BACE1: variants seen among roughly 807,000 people sequenced by gnomAD.
BACE1 encodes APP beta-secretase.
Under a neutral mutation model 54.0 loss-of-function variants are expected in BACE1, and 21 were observed. The observed-to-expected ratio is 0.39, with a 90% confidence interval of 0.28 to 0.56. The LOEUF (loss-of-function observed/expected upper bound fraction) is 0.56. BACE1 is among the 20% of genes least tolerant of loss of function. The probability of loss-of-function intolerance (pLI) is 0.63; values close to 1 mark genes in which losing one functional copy is unlikely to be tolerated. For synonymous variants in BACE1, 232 were observed against 260.9 expected (o/e 0.89, Z 1.07); for missense variants, 511 against 661.2 (o/e 0.77, Z 2.49).
At chr11:117,310,565 C>T (rs1193165488) in intron 1 of BACE1, among the ~76,000 whole-genome samples, 2 of 152,054 alleles carry the variant, frequency 1.3e-5, no homozygotes, top group Admixed American at 1.3e-4. Flanking sequence ...GGATTACAAG[C>T]GCCTGCCACC....
In BACE1 at chr11:117,293,970, T is replaced by C. The variant is rs1232940308; in HGVS notation, c.606A>G (p.Val202=). The stretch of plus-strand genomic sequence containing the variant: ...AGAGGTTGGGAACGTGGGTCTGCTT[T>C]ACCAGAGAGTCAAAGAAAGGCTCCA... ...DSLEPFFDSL[V]KQTHVPNLFS... is the part of the protein sequence containing the mutation. The change falls in exon 4 of 9, where the codon GTA becomes GTG. Residue 202 remains valine, a synonymous_variant. Coordinates refer to ENST00000313005, the MANE Select transcript of BACE1 (RefSeq NM_012104.6). This position sits in a 1 kb window ranked among gnomAD's most constrained non-coding sequence, Gnocchi z 4.1. The C allele has an allele frequency of 6.2e-7, 1 of 1,613,874 alleles. No homozygotes were observed. Among genetic ancestry groups the C allele is most frequent in the Admixed American group, 1.7e-5 (1 of 59,982 alleles).
Position 117,299,600 on chromosome 11 carries a change from C to G in BACE1, c.262-2639G>C, listed in dbSNP as rs189857576. ...TGTCTCCTCCCTCCTTCCCAGCCCC[C>G]CACTCCTGGCCTGGTTTCCATTCCC... On this transcript the variant is annotated intron_variant, in intron 1 of 8. Transcript: ENST00000313005. 4 of 364,192 alleles carry G rather than the reference C, an allele frequency of 1.1e-5. No individual in the cohort carries two copies. The East Asian group carries it at 4.7e-4, about 43-fold the overall frequency. The allele number at this position is 364,192 out of a possible 1,614,324, so 22.6% of individuals were successfully genotyped here.
Position 117,316,018 on chromosome 11 carries a change from C to T in BACE1, c.-223G>A, listed in dbSNP as rs1195716582. ...CGGGAGCAGGGGAGAGGCTGGGATC[C>T]GGAGCCCGCTACATCGGCACGGCGG... is the stretch of plus-strand genomic sequence containing the variant. On this transcript the variant is annotated 5_prime_UTR_variant, in exon 1 of 9. Coordinates refer to ENST00000313005, the MANE Select transcript of BACE1 (RefSeq NM_012104.6). The T allele has an allele frequency of 4.8e-6, 2 of 418,774 alleles. No homozygotes were observed. The highest frequency in any genetic ancestry group is 8.1e-6 in the Non-Finnish European group (2 of 245,656). 25.9% of individuals were successfully genotyped at this position (418,774 alleles called of 1,614,324 possible).
At chr11:117,297,212 G>GA (rs1049932108) in intron 1 of BACE1, 3 of 446,070 alleles carry the variant, frequency 6.7e-6, no homozygotes, top group Admixed American at 4.4e-5. Context: ...AAAACCAACT[G>GA]AAAAAAGGCA....
At chr11:117,291,493 G>C (rs985939055) in intron 6 of BACE1, among the ~76,000 whole-genome samples, 1 of 152,050 alleles carries the variant, frequency 6.6e-6, no homozygotes. Flanking sequence ...GGTCAGGCTG[G>C]TCTTGAACTC....
Position 117,315,735 on chromosome 11 carries a change from C to T in BACE1, c.61G>A (p.Gly21Ser). The T allele has an allele frequency of 6.8e-7, 1 of 1,477,336 alleles. No homozygotes were observed. The highest frequency in any genetic ancestry group is 8.9e-7 in the Non-Finnish European group (1 of 1,117,874). The allele number at this position is 1,477,336 out of a possible 1,614,324, so 91.5% of individuals were successfully genotyped here. The part of the protein sequence containing the change: ...WMGAGVLPAH[G>S]TQHGIRLPLR... ...GGCAGCCGGATGCCGTGCTGGGTGC[C>T]GTGGGCAGGCAGCACTCCCGCGCCC... The change falls in exon 1 of 9, where the codon GGC (glycine) becomes AGC (serine). Residue 21 changes from glycine to serine, a missense_variant. Around this residue, in one of 2 missense-constraint regions of BACE1, gnomAD observed 104 missense variants for 95.5 expected, o/e 1.09. Coordinates refer to ENST00000313005, the MANE Select transcript of BACE1 (RefSeq NM_012104.6). The surrounding 1 kb of genome is among the most constrained non-coding windows in gnomAD (Gnocchi z 5.5).
chr11:117,307,508 C>T lies in BACE1; in HGVS notation c.261+8027G>A, dbSNP rs193269820. Among the ~76,000 whole-genome samples, 970 of 152,250 alleles carry T rather than the reference C, an allele frequency of 6.4e-3. 17 individuals are homozygous for T. Among genetic ancestry groups the T allele is most frequent in the African/African-American group, 0.023 (937 of 41,534 alleles). ...TGTATTTTTGGTAGAGACAGGGTTT[C>T]ACCACGTTGGCCATGCTGGTCTTGA... is the stretch of plus-strand genomic sequence containing the variant. On this transcript the variant is annotated intron_variant, in intron 1 of 8. Transcript: ENST00000313005.
intron 1 of BACE1, among the ~76,000 whole-genome samples, chr11:117,310,612 G>A (rs2034924127): frequency 6.6e-6 from 1 of 152,068 alleles, no homozygotes; most frequent in African/African-American, 2.4e-5. Flanking sequence ...GTAGAGACAG[G>A]GTTTCACCAT....
intron 1 of BACE1, among the ~76,000 whole-genome samples, chr11:117,313,079 A>G (rs1437545064): frequency 6.6e-6 from 1 of 152,206 alleles, no homozygotes; most frequent in African/African-American, 2.4e-5. Context: ...TCAGAATACA[A>G]TGCCATCCAA....
At chr11:117,307,092 G>A (rs976815287) in intron 1 of BACE1, among the ~76,000 whole-genome samples, 25 of 151,906 alleles carry the variant, frequency 1.6e-4, no homozygotes, top group African/African-American at 5.8e-4. Context: ...TCCTATTTTG[G>A]GAAACACCTG....
At position 117,291,623 on chromosome 11, in the gene BACE1, A is replaced by G; in HGVS notation, c.942+89T>C. ...TCTGAGTAGAAGGGTCTAAGTGCAG[A>G]CATCTTGGCTGTTGCTGAAGAATGT... On this transcript the variant is annotated intron_variant, in intron 6 of 8. Coordinates refer to ENST00000313005, the MANE Select transcript of BACE1 (RefSeq NM_012104.6). The G allele has an allele frequency of 3.2e-6, 3 of 944,988 alleles. No individual in the cohort carries two copies. In the South Asian group the frequency reaches 4.2e-5, roughly 13 times the overall value. The allele number at this position is 944,988 out of a possible 1,614,324, so 58.5% of individuals were successfully genotyped here. A position where few individuals can be genotyped will look rare whatever the true frequency, so the allele number is the denominator to read the frequency against.
At position 117,291,684 on chromosome 11, in the gene BACE1, C is replaced by CT. The variant is rs746782706; in HGVS notation, c.942+27dup. On this transcript the variant is annotated intron_variant, in intron 6 of 8. Transcript: ENST00000313005. ...GCCTCCCTCTGACACTGTACCATCT[C>CT]TTTTACCCCCATCCTTAGTCCACTC... 4.4e-5 allele frequency: 67 copies of CT among 1,528,304 alleles called. No homozygotes were observed. The African/African-American group carries it at 8.9e-4, about 20-fold the overall frequency. The allele number at this position is 1,528,304 out of a possible 1,614,324, so 94.7% of individuals were successfully genotyped here. A position where few individuals can be genotyped will look rare whatever the true frequency, so the allele number is the denominator to read the frequency against.
Position 117,287,672 on chromosome 11 carries a change from G to GT in BACE1, c.*1893dup. 6.5e-6 allele frequency: 1 copy of GT among 152,692 alleles called. No individual in the cohort carries two copies. The highest frequency in any genetic ancestry group is 6.5e-5 in the Admixed American group (1 of 15,288). The allele number at this position is 152,692 out of a possible 1,614,324, so 9.5% of individuals were successfully genotyped here. ...TCACTTCATGGTAGCAGTTCTGAAA[G>GT]TTTATTTACACAGTAAGTTCCGAGC... On this transcript the variant is annotated 3_prime_UTR_variant, in exon 9 of 9. Transcript: ENST00000313005.
chr11:117,301,989 G>A (rs2034735811), intron 1 of BACE1, among the ~76,000 whole-genome samples: 2 of 152,206 alleles, frequency 1.3e-5, no homozygotes, highest in Admixed American at 6.5e-5. Context: ...TTTTCAAAGT[G>A]CAAATTTGAC....
At chr11:117,302,247 C>T (rs1317660858) in intron 1 of BACE1, among the ~76,000 whole-genome samples, 1 of 152,146 alleles carries the variant, frequency 6.6e-6, no homozygotes, top group Non-Finnish European at 1.5e-5. Context: ...GCAGGAGAAT[C>T]GTTTGAACCT....
chr11:117,298,555 G>A (rs2034653878), intron 1 of BACE1, among the ~76,000 whole-genome samples: 1 of 152,210 alleles, frequency 6.6e-6, no homozygotes, highest in African/African-American at 2.4e-5. Flanking sequence ...GAGCTGTACT[G>A]GTCAGGGGAC....
intron 8 of BACE1, 112 bp downstream of exon 8, chr11:117,290,376 G>A (rs955809444): frequency 5.2e-6 from 7 of 1,338,266 alleles, no homozygotes; most frequent in Non-Finnish European, 7.1e-6. Context: ...TGGGTTTGAG[G>A]CAACTGTTAC....
Position 117,295,098 on chromosome 11 carries a change from AGAGT to A in BACE1, c.567+29_567+32del. 1.9e-6 allele frequency: 3 copies of A among 1,576,682 alleles called. No homozygotes were observed. In the South Asian group the frequency reaches 3.3e-5, roughly 17 times the overall value. ...CTTCTCTGTATAGTGCAGTGTGCAT[AGAGT>A]GTGTAGGGCCAAGCCCTGTTCCTCT... is the stretch of plus-strand genomic sequence containing the variant. On this transcript the variant is annotated intron_variant, in intron 3 of 8. Transcript: ENST00000313005.
chr11:117,315,090 G>A lies in BACE1; in HGVS notation c.261+445C>T, dbSNP rs1194745393. Among the ~76,000 whole-genome samples the A allele has an allele frequency of 6.6e-6, 1 of 152,166 alleles. No homozygotes were observed. Among genetic ancestry groups the A allele is most frequent in the Admixed American group, 6.5e-5 (1 of 15,272 alleles). ...TATTCAACTGCTGCCAGGATTCCTT[G>A]GTCCTGGAGGTACTGGGAACAATGG... On this transcript the variant is annotated intron_variant, in intron 1 of 8. Coordinates refer to ENST00000313005, the MANE Select transcript of BACE1 (RefSeq NM_012104.6). The surrounding 1 kb of genome is among the most constrained non-coding windows in gnomAD (Gnocchi z 5.5).
Sources: allele counts gnomAD v4.1 joint callset (sites outside exome capture counted in the v4.1 genomes callset), GRCh38; gene constraint gnomAD v4.1.1; regional missense constraint gnomAD v4.1.1; non-coding constraint Gnocchi (gnomAD v3.1); transcripts MANE v1.5; gene names NCBI Gene and HGNC (gene_info 2026-07-23, HGNC 2026-07-21).